The following CACNG2 variants were observed in gnomAD, a reference collection of about 807,000 sequenced individuals.
CACNG2 encodes voltage-dependent calcium channel gamma-2 subunit.
In CACNG2, 3 loss-of-function variants were observed where a neutral mutation model predicts 25.9. The ratio of observed to expected loss-of-function variants is 0.12; its 90% CI spans 0.05 to 0.30. The LOEUF (loss-of-function observed/expected upper bound fraction) is 0.30. Ranked by LOEUF, CACNG2 falls within the 10% of genes least tolerant of loss-of-function variation. The pLI, the probability that CACNG2 is intolerant of heterozygous loss-of-function variation, is 1.00. For synonymous variants in CACNG2, 167 were observed against 173.3 expected (o/e 0.96, Z 0.29); for missense variants, 341 against 432.5 (o/e 0.79, Z 1.88).
At chr22:36,671,492 T>A (rs1174339902) in intron 1 of CACNG2, among the ~76,000 whole-genome samples, 1 of 152,110 alleles carries the variant, frequency 6.6e-6, no homozygotes. Flanking sequence ...GACTGACGGG[T>A]GACTGCAAGC....
At chr22:36,642,655 C>T (rs1936456735) in intron 1 of CACNG2, among the ~76,000 whole-genome samples, 1 of 152,236 alleles carries the variant, frequency 6.6e-6, no homozygotes, top group Admixed American at 6.5e-5. Context: ...CCTAACCAGT[C>T]TCCTGCCCTG....
intron 1 of CACNG2, among the ~76,000 whole-genome samples, chr22:36,605,824 T>A (rs923815918): frequency 5.9e-5 from 9 of 152,186 alleles, no homozygotes; most frequent in Admixed American, 4.6e-4. Flanking sequence ...TACACTCTGC[T>A]GTGCCAAGAG....
Position 36,616,608 on chromosome 22 carries a change from A to ATT in CACNG2, c.212-29062_212-29061dup, listed in dbSNP as rs397709106. ...GAGATCTGTAATCCATCTGGAATTG[A>ATT]TTTTTTTTTTTCTGTATGGTATGAA... On this transcript the variant is annotated intron_variant, in intron 1 of 3. Coordinates refer to ENST00000300105, the MANE Select transcript of CACNG2 (RefSeq NM_006078.5). Among the ~76,000 whole-genome samples, 452 of 147,976 alleles carry ATT rather than the reference A, an allele frequency of 3.1e-3. 4 individuals carry two copies. Among genetic ancestry groups the ATT allele is most frequent in the African/African-American group, 0.011 (428 of 40,514 alleles).
intron 1 of CACNG2, among the ~76,000 whole-genome samples, chr22:36,597,053 C>T (rs1014975462): frequency 6.6e-6 from 1 of 152,130 alleles, no homozygotes; most frequent in African/African-American, 2.4e-5. Context: ...GATAGAGTCT[C>T]TCTCTGTTGC....
chr22:36,587,388 T>G, intron 2 of CACNG2, 77 bp downstream of exon 2: 1 of 1,065,248 alleles, frequency 9.4e-7, no homozygotes, highest in Non-Finnish European at 1.5e-6. Context: ...TAGGTAGGCC[T>G]GGTCCTTGAC....
chr22:36,693,854 C>T (rs772598648), intron 1 of CACNG2, among the ~76,000 whole-genome samples: 2 of 152,196 alleles, frequency 1.3e-5, no homozygotes, highest in Non-Finnish European at 2.9e-5. Context: ...TCCCAGAATC[C>T]CCTGTGCGTA....
At chr22:36,660,905 C>T (rs1178534350) in intron 1 of CACNG2, among the ~76,000 whole-genome samples, 1 of 152,220 alleles carries the variant, frequency 6.6e-6, no homozygotes, top group Non-Finnish European at 1.5e-5. Context: ...GCCTCAGTTT[C>T]CTCATGTGAA....
In CACNG2 at chr22:36,590,631, G is replaced by T. The variant is rs116077596; in HGVS notation, c.212-3083C>A. Among the ~76,000 whole-genome samples the T allele has an allele frequency of 5.5e-3, 836 of 152,212 alleles. 10 individuals are homozygous for T. The highest frequency in any genetic ancestry group is 0.02 in the African/African-American group (814 of 41,524). On this transcript the variant is annotated intron_variant, in intron 1 of 3. Transcript: ENST00000300105. The stretch of plus-strand genomic sequence containing the variant: ...CCCTGCTCCCTGGATGGCTGCCGCG[G>T]CCTCCCCACTCATCAGTTTGCACCC...
chr22:36,626,302 C>G (rs1050481278), intron 1 of CACNG2, among the ~76,000 whole-genome samples: 2 of 152,192 alleles, frequency 1.3e-5, no homozygotes, highest in Non-Finnish European at 2.9e-5. Flanking sequence ...TTGTTTTAGT[C>G]TCTGAAAGAG....
intron 1 of CACNG2, among the ~76,000 whole-genome samples, chr22:36,671,329 A>T (rs1434570846): frequency 6.6e-6 from 1 of 152,248 alleles, no homozygotes; most frequent in Non-Finnish European, 1.5e-5. Flanking sequence ...TTAATCTGAC[A>T]ATCTTGAAGC....
chr22:36,677,989 A>C (rs1386644026), intron 1 of CACNG2, among the ~76,000 whole-genome samples: 1 of 152,254 alleles, frequency 6.6e-6, no homozygotes, highest in Non-Finnish European at 1.5e-5. Flanking sequence ...AAGCTGCTAA[A>C]ATGAACTTAT....
At chr22:36,654,420 CAG>C (rs1342849811) in intron 1 of CACNG2, among the ~76,000 whole-genome samples, 1 of 151,690 alleles carries the variant, frequency 6.6e-6, no homozygotes, top group Non-Finnish European at 1.5e-5. Context: ...TTGGTAGAGA[CAG>C]AGTTTCCCTA....
At chr22:36,648,733 C>A (rs895842799) in intron 1 of CACNG2, among the ~76,000 whole-genome samples, 1 of 152,112 alleles carries the variant, frequency 6.6e-6, no homozygotes. Context: ...CTGCCATAAC[C>A]CTCTTTGCTC....
At chr22:36,694,131 CT>C (rs1231962385) in intron 1 of CACNG2, among the ~76,000 whole-genome samples, 3 of 152,210 alleles carry the variant, frequency 2.0e-5, no homozygotes, top group Non-Finnish European at 2.9e-5. Context: ...ATCCTCTGGG[CT>C]TTCTTAGCAC....
chr22:36,582,701 G>T (rs1032811743), intron 2 of CACNG2, among the ~76,000 whole-genome samples: 1 of 151,612 alleles, frequency 6.6e-6, no homozygotes, highest in East Asian at 1.9e-4. Flanking sequence ...CCGCCACCAC[G>T]CCTGGCCACT....
At chr22:36,661,161 A>G (rs984915340) in intron 1 of CACNG2, among the ~76,000 whole-genome samples, 3 of 152,148 alleles carry the variant, frequency 2.0e-5, no homozygotes, top group Non-Finnish European at 4.4e-5. Flanking sequence ...TCAGTCTCCT[A>G]TCAGTCTCTA....
chr22:36,679,059 C>G (rs945865518), intron 1 of CACNG2, among the ~76,000 whole-genome samples: 8 of 152,336 alleles, frequency 5.3e-5, no homozygotes, highest in African/African-American at 1.9e-4. Flanking sequence ...TGTGCCTTAA[C>G]TGATACTCAG....
chr22:36,609,305 C>T (rs962299697), intron 1 of CACNG2, among the ~76,000 whole-genome samples: 1 of 146,396 alleles, frequency 6.8e-6, no homozygotes, highest in African/African-American at 2.6e-5. Flanking sequence ...GAATCTGCCC[C>T]GCAGAGCATG....
At chr22:36,678,192 C>A (rs776342596) in intron 1 of CACNG2, among the ~76,000 whole-genome samples, 3 of 152,148 alleles carry the variant, frequency 2.0e-5, no homozygotes, top group African/African-American at 7.2e-5. Context: ...TCTTCCCAAA[C>A]GCCAATTTGT....
Sources: gnomAD v4.1 joint callset for allele counts (sites outside exome capture counted in the v4.1 genomes callset) on GRCh38, gnomAD v4.1.1 for gene constraint, MANE v1.5 for transcripts, NCBI Gene and HGNC (gene_info 2026-07-23, HGNC 2026-07-21) for gene names.